TTLL10: variants seen among roughly 807,000 people sequenced by gnomAD.
The protein encoded by TTLL10 is tubulin tyrosine ligase like 10.
In TTLL10, 61 loss-of-function variants were observed where a neutral mutation model predicts 69.0. The ratio of observed to expected loss-of-function variants is 0.88; its 90% CI spans 0.72 to 1.09. The LOEUF (loss-of-function observed/expected upper bound fraction) is 1.09. Among genes scored for constraint, TTLL10 ranks in the 50% least tolerant of loss-of-function variants. The probability of loss-of-function intolerance (pLI) is 0.00; values close to 1 mark genes in which losing one functional copy is unlikely to be tolerated. For missense variants in TTLL10, 962 were observed against 945.9 expected, an observed-to-expected ratio of 1.02 and a Z score of -0.22; for synonymous variants, 408 against 393.3, an observed-to-expected ratio of 1.04 and a Z score of -0.44.
At position 1,183,052 on chromosome 1, in the gene TTLL10, G is replaced by A. The variant is rs201484894; in HGVS notation, c.1088+5G>A. 8.8e-6 allele frequency: 14 copies of A among 1,591,250 alleles called. No homozygotes were observed. In the East Asian group the frequency reaches 1.8e-4, roughly 21 times the overall value. ...TCAGGCGCGGGTGGTGCAGAGGTGC[G>A]GCGGCGGGTGCCCGGAGGGGTGAGG... On this transcript the variant is annotated splice_donor_5th_base_variant and intron_variant, in intron 11 of 15. Transcript: ENST00000379289.
At chr1:1,175,676 G>A (rs1646844272) in intron 3 of TTLL10, 6 of 455,912 alleles carry the variant, frequency 1.3e-5, no homozygotes, top group Non-Finnish European at 2.2e-5. Flanking sequence ...GTGCTGTCCT[G>A]ACATTACATG....
In TTLL10 at chr1:1,185,711, G is replaced by T; in HGVS notation, c.1401+602G>T. On this transcript the variant is annotated intron_variant, in intron 13 of 15. Transcript: ENST00000379289. The surrounding 1 kb of genome is among the most constrained non-coding windows in gnomAD (Gnocchi z 6.1). ...TGGTCACCCCGGCCAGGCCCCGGAA[G>T]CAGCAGCCAGGGATGGTCCTTCCTC... 1 of 985,532 alleles carries T rather than the reference G, an allele frequency of 1.0e-6. No homozygotes were observed. The highest frequency in any genetic ancestry group is 4.7e-5 in the South Asian group (1 of 21,296). 61.0% of individuals were successfully genotyped at this position (985,532 alleles called of 1,614,324 possible).
intron 13 of TTLL10, among the ~76,000 whole-genome samples, chr1:1,186,408 C>T (rs115652369): frequency 0.014 from 2,182 of 152,264 alleles, 57 homozygotes; most frequent in African/African-American, 0.049. Context: ...TTTCATACAA[C>T]GTTCCGTCAT....
intron 3 of TTLL10, chr1:1,176,376 G>A: frequency 4.4e-6 from 2 of 455,692 alleles, no homozygotes; most frequent in Non-Finnish European, 8.8e-6. Context: ...GAGAGAGGCT[G>A]ACGCTGTACA....
intron 13 of TTLL10, among the ~76,000 whole-genome samples, chr1:1,188,341 A>G (rs542066995): frequency 2.6e-5 from 4 of 151,952 alleles, no homozygotes; most frequent in Admixed American, 1.3e-4. Flanking sequence ...GCCCCTTACA[A>G]TTCCACAATT....
chr1:1,183,806 TG>T (rs1355137947), intron 11 of TTLL10, 113 bp from the exon 12 acceptor site: 98 of 1,393,586 alleles, frequency 7.0e-5, no homozygotes, highest in Non-Finnish European at 9.3e-5. Context: ...AGGTCACACC[TG>T]GGACAGAGGC....
At position 1,182,881 on chromosome 1, in the gene TTLL10, C is replaced by A. The variant is rs1276928967; in HGVS notation, c.922C>A (p.Gln308Lys). The A allele has an allele frequency of 1.3e-6, 2 of 1,581,356 alleles. No individual in the cohort carries two copies. Among genetic ancestry groups the A allele is most frequent in the Non-Finnish European group, 1.7e-6 (2 of 1,163,260 alleles). ...EAFFTLFDET[Q>K]IWICKPTASN... ...TCAGGCCGCGCTCTCTGCAGAAACCCAGATATGGATCTGCAAGCCCACAGC... is the reference window on the plus strand; with the variant it reads ...TCAGGCCGCGCTCTCTGCAGAAACCAAGATATGGATCTGCAAGCCCACAGC... The change falls in exon 11 of 16, where the codon CAG (glutamine) becomes AAG (lysine). Residue 308 changes from glutamine to lysine, a missense_variant. By Grantham distance (53) the Gln-to-Lys change is moderately conservative. Transcript: ENST00000379289.
chr1:1,197,856 ACCCGCGCCCAGCGCCCCGCGC>A lies in TTLL10; in HGVS notation c.*19_*39del. 1 of 1,436,894 alleles carries A rather than the reference ACCCGCGCCCAGCGCCCCGCGC, an allele frequency of 7.0e-7. No individual in the cohort carries two copies. 89.0% of individuals were successfully genotyped at this position (1,436,894 alleles called of 1,614,324 possible). A position where few individuals can be genotyped will look rare whatever the true frequency, so the allele number is the denominator to read the frequency against. ...AGAACGCGAGGCCCTAGGGGCAGCC[ACCCGCGCCCAGCGCCCCGCGC>A]CCCGCGCCCCAGCCGTGCTGCCTGC... On this transcript the variant is annotated 3_prime_UTR_variant, in exon 16 of 16. Coordinates refer to ENST00000379289, the MANE Select transcript of TTLL10 (RefSeq NM_001130045.2).
At chr1:1,182,020 G>A (rs752722377) in intron 9 of TTLL10, among the ~76,000 whole-genome samples, 17 of 152,236 alleles carry the variant, frequency 1.1e-4, no homozygotes, top group Admixed American at 2.0e-4. Flanking sequence ...CTCAGGCCAC[G>A]CTCTCCGCCC....
At chr1:1,184,768 T>TGTACATG (rs1647203467) in intron 12 of TTLL10, among the ~76,000 whole-genome samples, 1 of 87,970 alleles carries the variant, frequency 1.1e-5, no homozygotes. Context: ...GCAGAAGCCT[T>TGTACATG]CTAGGTTAGG....
intron 13 of TTLL10, among the ~76,000 whole-genome samples, chr1:1,190,972 C>T (rs573494095): frequency 6.6e-6 from 1 of 152,088 alleles, no homozygotes; most frequent in East Asian, 1.9e-4. Context: ...ATTACAGGCA[C>T]CTGCCACCAC....
chr1:1,197,527 G>A lies in TTLL10; in HGVS notation c.1702G>A (p.Gly568Ser), dbSNP rs774422160. 6.6e-5 allele frequency: 102 copies of A among 1,534,538 alleles called. 1 individual carries two copies. The South Asian group carries it at 8.1e-4, about 12-fold the overall frequency. The change falls in exon 16 of 16, where the codon GGT (glycine) becomes AGT (serine). Residue 568 changes from glycine to serine, a missense_variant. Coordinates refer to ENST00000379289, the MANE Select transcript of TTLL10 (RefSeq NM_001130045.2). ...GCGCCGCTTCGTGCTCCTGCACAAC[G>A]GTGAGGCCGACCCGCGGCCGCACCT... ...SQRRFVLLHN[G>S]EADPRPHLGG...
In TTLL10 at chr1:1,182,870, C is replaced by T; in HGVS notation, c.917-6C>T. The T allele has an allele frequency of 6.4e-7, 1 of 1,567,196 alleles. No homozygotes were observed. Among genetic ancestry groups the T allele is most frequent in the Non-Finnish European group, 8.7e-7 (1 of 1,154,794 alleles). ...AGGCCAGGGGCTCAGGCCGCGCTCTCTGCAGAAACCCAGATATGGATCTGC... is the reference window on the plus strand; with the variant it reads ...AGGCCAGGGGCTCAGGCCGCGCTCTTTGCAGAAACCCAGATATGGATCTGC... On this transcript the variant is annotated splice_region_variant and splice_polypyrimidine_tract_variant and intron_variant, in intron 10 of 15. Coordinates refer to ENST00000379289, the MANE Select transcript of TTLL10 (RefSeq NM_001130045.2).
Position 1,197,488 on chromosome 1 carries a change from C to A in TTLL10, c.1663C>A (p.Pro555Thr). ...GAGCCTGCGCGGCCAGAAGATGTTG[C>A]CTCTGCTGTCCCAGCGCCGCTTCGT... ...RKSLRGQKMLPLLSQRRFVLL... is the reference protein window; with the variant it reads ...RKSLRGQKMLTLLSQRRFVLL... The change falls in exon 16 of 16, where the codon CCT becomes ACT. Residue 555 changes from proline to threonine, a missense_variant. Pro to Thr is a conservative substitution (Grantham distance 38). Transcript: ENST00000379289. 1 of 1,545,476 alleles carries A rather than the reference C, an allele frequency of 6.5e-7. No homozygotes were observed. The highest frequency in any genetic ancestry group is 1.2e-5 in the South Asian group (1 of 83,814).
Position 1,183,981 on chromosome 1 carries a change from A to G in TTLL10, c.1150A>G (p.Ile384Val), listed in dbSNP as rs143930968. 7.1e-5 allele frequency: 115 copies of G among 1,614,154 alleles called. No homozygotes were observed. In the African/African-American group the frequency reaches 1.3e-3, roughly 18 times the overall value. ...RKFDVRSYLL[I>V]ACTTPYMIFF... ...GTTTGACGTGCGCTCCTACCTGCTC[A>G]TTGCCTGCACCACACCCTACATGAT... The change falls in exon 12 of 16, where the codon ATT becomes GTT. Residue 384 changes from isoleucine (I) to valine (V), a missense_variant. Transcript: ENST00000379289.
intron 13 of TTLL10, among the ~76,000 whole-genome samples, chr1:1,192,802 G>A (rs1347903354): frequency 6.6e-6 from 1 of 151,508 alleles, no homozygotes; most frequent in Admixed American, 6.6e-5. Flanking sequence ...GTTGGTATGA[G>A]TGTAGACACT....
intron 13 of TTLL10, among the ~76,000 whole-genome samples, chr1:1,191,651 GAC>G (rs1224623580): frequency 3.3e-5 from 5 of 152,176 alleles, no homozygotes; most frequent in Non-Finnish European, 5.9e-5. Context: ...AGGAATTAAA[GAC>G]ACACACAGAG....
At chr1:1,177,136 G>A (rs1056770193) in intron 3 of TTLL10, among the ~76,000 whole-genome samples, 5 of 151,540 alleles carry the variant, frequency 3.3e-5, no homozygotes, top group African/African-American at 1.2e-4. Context: ...GTAGGTGTCT[G>A]TAGGTGTGTC....
chr1:1,190,098 C>T (rs559301929), intron 13 of TTLL10, among the ~76,000 whole-genome samples: 6 of 145,736 alleles, frequency 4.1e-5, no homozygotes, highest in Admixed American at 3.5e-4. Flanking sequence ...GGGGACAGAG[C>T]GAGACCCCGT....
Sources: gnomAD v4.1 joint callset for allele counts (sites outside exome capture counted in the v4.1 genomes callset) on GRCh38, gnomAD v4.1.1 for gene constraint, Gnocchi (gnomAD v3.1) non-coding constraint, MANE v1.5 for transcripts, NCBI Gene and HGNC (gene_info 2026-07-23, HGNC 2026-07-21) for gene names.